CACNA1E: variants seen among roughly 807,000 people sequenced by gnomAD.
The protein encoded by CACNA1E is voltage-dependent R-type calcium channel subunit alpha-1E.
CACNA1E carries 40 observed loss-of-function variants against 259.2 expected under a neutral mutation model. That is an observed-to-expected ratio of 0.15 (90% confidence interval 0.12 to 0.20). CACNA1E has a LOEUF of 0.20. Among genes scored for constraint, CACNA1E ranks in the 10% least tolerant of loss-of-function variants. The probability of loss-of-function intolerance (pLI) is 1.00; values close to 1 mark genes in which losing one functional copy is unlikely to be tolerated. For missense variants in CACNA1E, 1,874 were observed against 3,040.1 expected (o/e 0.62, Z 9.02); for synonymous variants, 1,104 against 1,138.5 (o/e 0.97, Z 0.61).
Position 181,805,722 on chromosome 1 carries a change from C to T in CACNA1E, c.*6888C>T, listed in dbSNP as rs1420437554. The stretch of plus-strand genomic sequence containing the variant: ...GCAATTGCAGAGGAACTTGCCTCTT[C>T]GTGATATTAGAGGGCAGTCCAACTC... On this transcript the variant is annotated 3_prime_UTR_variant, in exon 48 of 48. Transcript: ENST00000367573. 3 of 152,152 alleles carry T rather than the reference C, an allele frequency of 2.0e-5. No homozygotes were observed. Among genetic ancestry groups the T allele is most frequent in the Non-Finnish European group, 2.9e-5 (2 of 68,030 alleles). The allele number at this position is 152,152 out of a possible 1,614,324, so 9.4% of individuals were successfully genotyped here. A position where few individuals can be genotyped will look rare whatever the true frequency, so the allele number is the denominator to read the frequency against.
At chr1:181,778,223 A>G (rs1660127436) in intron 38 of CACNA1E, among the ~76,000 whole-genome samples, 1 of 152,192 alleles carries the variant, frequency 6.6e-6, no homozygotes, top group African/African-American at 2.4e-5. Context: ...GTGTCTTCAA[A>G]AGGGGGGCTG....
chr1:181,594,505 T>C (rs549298320), intron 6 of CACNA1E, among the ~76,000 whole-genome samples: 193 of 152,298 alleles, frequency 1.3e-3, no homozygotes, highest in Middle Eastern at 6.8e-3. Context: ...TTCAAGTGAT[T>C]CTTGTGCCTT....
chr1:181,557,596 C>G (rs1256447926), intron 3 of CACNA1E, among the ~76,000 whole-genome samples: 1 of 152,224 alleles, frequency 6.6e-6, no homozygotes, highest in Non-Finnish European at 1.5e-5. Flanking sequence ...GAACTCTGTG[C>G]CCTCGCATCA....
chr1:181,434,577 G>A (rs1276686675), intron 2 of CACNA1E, among the ~76,000 whole-genome samples: 1 of 152,156 alleles, frequency 6.6e-6, no homozygotes, highest in Non-Finnish European at 1.5e-5. Context: ...GGTGGGCAGC[G>A]AGGAGCTTTC....
Position 181,580,788 on chromosome 1 carries a change from T to C in CACNA1E, c.951+12T>C, listed in dbSNP as rs754682042. 4 of 1,612,894 alleles carry C rather than the reference T, an allele frequency of 2.5e-6. No homozygotes were observed. The South Asian group carries it at 4.4e-5, about 18-fold the overall frequency. ...CTGTGCTGTACAATGTGAGTAGAGC[T>C]GGTGGGGACCTGGAAGGAGGAGGGA... On this transcript the variant is annotated intron_variant, in intron 6 of 47. Coordinates refer to ENST00000367573, the MANE Select transcript of CACNA1E (RefSeq NM_001205293.3).
intron 1 of CACNA1E, among the ~76,000 whole-genome samples, chr1:181,355,265 T>G (rs928560489): frequency 6.6e-6 from 1 of 152,068 alleles, no homozygotes; most frequent in Admixed American, 6.6e-5. Context: ...GAGACCTCCC[T>G]CATAGGGTGG....
intron 1 of CACNA1E, among the ~76,000 whole-genome samples, chr1:181,321,916 C>A (rs1650382410): frequency 6.6e-6 from 1 of 152,222 alleles, no homozygotes; most frequent in Non-Finnish European, 1.5e-5. Flanking sequence ...CTAGCTTCAG[C>A]AGTCCCACAA....
chr1:181,448,647 T>G (rs933281799), intron 2 of CACNA1E, among the ~76,000 whole-genome samples: 1 of 152,234 alleles, frequency 6.6e-6, no homozygotes. Flanking sequence ...AGACCAATTG[T>G]ATATTACCAC....
chr1:181,594,015 A>G (rs1425599783), intron 6 of CACNA1E, among the ~76,000 whole-genome samples: 1 of 152,218 alleles, frequency 6.6e-6, no homozygotes, highest in Non-Finnish European at 1.5e-5. Context: ...CTGGATTTAA[A>G]CATTGAAAAT....
intron 1 of CACNA1E, among the ~76,000 whole-genome samples, chr1:181,389,186 A>G (rs1228045924): frequency 1.3e-5 from 2 of 152,184 alleles, no homozygotes; most frequent in African/African-American, 4.8e-5. Flanking sequence ...CGTGAGGCAC[A>G]TTGCAGCTTT....
At chr1:181,363,866 C>T (rs1305567582) in intron 1 of CACNA1E, among the ~76,000 whole-genome samples, 5 of 152,192 alleles carry the variant, frequency 3.3e-5, no homozygotes, top group African/African-American at 1.2e-4. Context: ...ACAGACTTCA[C>T]TACGGATAGG....
At chr1:181,779,481 G>A (rs1020009246) in intron 38 of CACNA1E, 1 of 455,466 alleles carries the variant, frequency 2.2e-6, no homozygotes, top group Non-Finnish European at 4.4e-6. Context: ...AAATTAGTGC[G>A]GGTGATCTCG....
At chr1:181,344,571 T>C (rs1192119493) in intron 1 of CACNA1E, among the ~76,000 whole-genome samples, 7 of 152,132 alleles carry the variant, frequency 4.6e-5, no homozygotes, top group African/African-American at 1.7e-4. Flanking sequence ...GACTGAATAA[T>C]TGCCTCAGGG....
At chr1:181,747,200 G>A (rs923100922) in intron 25 of CACNA1E, among the ~76,000 whole-genome samples, 1 of 152,242 alleles carries the variant, frequency 6.6e-6, no homozygotes, top group Non-Finnish European at 1.5e-5. Flanking sequence ...GGGTAGGGCA[G>A]AAGGCCATGG....
At chr1:181,353,352 G>A (rs927525226) in intron 1 of CACNA1E, among the ~76,000 whole-genome samples, 1 of 152,204 alleles carries the variant, frequency 6.6e-6, no homozygotes, top group Admixed American at 6.5e-5. Flanking sequence ...TCACTACAGA[G>A]TGCTTCAGTC....
At chr1:181,388,212 G>A (rs1044753246) in intron 1 of CACNA1E, among the ~76,000 whole-genome samples, 75 of 152,290 alleles carry the variant, frequency 4.9e-4, no homozygotes, top group African/African-American at 1.5e-3. Flanking sequence ...TAAGAGAACC[G>A]TGGGAGACTA....
chr1:181,470,265 T>C (rs980404220), intron 2 of CACNA1E, among the ~76,000 whole-genome samples: 6 of 152,088 alleles, frequency 3.9e-5, no homozygotes, highest in Non-Finnish European at 8.8e-5. Context: ...CACAGCTCAC[T>C]GCAGCCTTGA....
At chr1:181,455,723 T>G (rs1358904722) in intron 2 of CACNA1E, among the ~76,000 whole-genome samples, 1 of 152,196 alleles carries the variant, frequency 6.6e-6, no homozygotes, top group East Asian at 1.9e-4. Flanking sequence ...AGTTCTGACT[T>G]CTTTTTTTTC....
At chr1:181,764,854 A>T (rs562797360) in intron 34 of CACNA1E, among the ~76,000 whole-genome samples, 2 of 152,170 alleles carry the variant, frequency 1.3e-5, no homozygotes, top group Non-Finnish European at 2.9e-5. Context: ...TCATCCTGTC[A>T]TATTATCACA....
Sources: allele counts gnomAD v4.1 joint callset (sites outside exome capture counted in the v4.1 genomes callset), GRCh38; gene constraint gnomAD v4.1.1; transcripts MANE v1.5; gene names NCBI Gene and HGNC (gene_info 2026-07-23, HGNC 2026-07-21).